GNGT1: variants seen among roughly 807,000 people sequenced by gnomAD.
The protein encoded by GNGT1 is G protein subunit gamma transducin 1.
In GNGT1, 4 loss-of-function variants were observed where a neutral mutation model predicts 7.4. The ratio of observed to expected loss-of-function variants is 0.54; its 90% CI spans 0.27 to 1.24. The LOEUF (loss-of-function observed/expected upper bound fraction) is 1.24. GNGT1 is among the 50% of genes most tolerant of loss of function. The pLI is 0.12. For missense variants in GNGT1, 95 were observed against 82.4 expected, an observed-to-expected ratio of 1.15 and a Z score of -0.59; for synonymous variants, 37 against 30.2, an observed-to-expected ratio of 1.23 and a Z score of -0.74.
intron 2 of GNGT1, 127 bp from the exon 3 acceptor site, chr7:93,910,663 G>T: frequency 1.8e-6 from 1 of 559,312 alleles, no homozygotes; most frequent in Non-Finnish European, 3.1e-6. Flanking sequence ...AATATGCATT[G>T]GTGTAAAGTA....
intron 2 of GNGT1, among the ~76,000 whole-genome samples, chr7:93,907,845 C>A (rs901243610): frequency 6.6e-6 from 1 of 152,098 alleles, no homozygotes; most frequent in Non-Finnish European, 1.5e-5. Flanking sequence ...GTTGCCCTTT[C>A]CATACAGGCA....
intron 2 of GNGT1, among the ~76,000 whole-genome samples, chr7:93,908,926 G>A (rs1365584331): frequency 3.3e-5 from 5 of 152,180 alleles, no homozygotes; most frequent in African/African-American, 9.6e-5. Flanking sequence ...TCAAAATAGC[G>A]ATAGTAATAG....
At chr7:93,906,865 A>G in intron 2 of GNGT1, 23 bp downstream of exon 2, 2 of 1,403,524 alleles carry the variant, frequency 1.4e-6, no homozygotes, top group Non-Finnish European at 2.0e-6. Context: ...TTTCTTTAGT[A>G]TTTTATTTTA....
Position 93,910,880 on chromosome 7 carries a change from C to G in GNGT1, c.187C>G (p.Pro63Ala). The G allele has an allele frequency of 1.2e-6, 2 of 1,608,350 alleles. No individual in the cohort carries two copies. Among genetic ancestry groups the G allele is most frequent in the Non-Finnish European group, 1.7e-6 (2 of 1,176,356 alleles). The part of the protein sequence containing the change: ...LVKGIPEDKN[P>A]FKELKGGCVI... ...AAAGGGCATCCCAGAGGACAAAAAT[C>G]CCTTCAAGGAGCTCAAAGGAGGCTG... The change falls in exon 3 of 3, where the codon CCC (proline) becomes GCC (alanine). Residue 63 changes from proline (P) to alanine (A), a missense_variant. Physicochemically the swap from Pro to Ala is conservative, Grantham distance 27 (BLOSUM62 -1). Coordinates refer to ENST00000248572, the MANE Select transcript of GNGT1 (RefSeq NM_021955.5).
chr7:93,909,083 A>G (rs1794420265), intron 2 of GNGT1, among the ~76,000 whole-genome samples: 1 of 152,186 alleles, frequency 6.6e-6, no homozygotes, highest in Non-Finnish European at 1.5e-5. Flanking sequence ...AGACTGATTC[A>G]TATTATTGTG....
chr7:93,908,769 G>A (rs1794415615), intron 2 of GNGT1, among the ~76,000 whole-genome samples: 2 of 151,874 alleles, frequency 1.3e-5, no homozygotes, highest in Admixed American at 6.6e-5. Flanking sequence ...CTCAGTATGG[G>A]TAAGTGGTTA....
chr7:93,911,167 A>G lies in GNGT1; in HGVS notation c.*249A>G. Reference sequence around the variant, plus strand: ...TGCTTAAAGTTCTTTAAAAAGAACTATGTTTTATAAATGATTCTATATTAT... The same window carrying G: ...TGCTTAAAGTTCTTTAAAAAGAACTGTGTTTTATAAATGATTCTATATTAT... On this transcript the variant is annotated 3_prime_UTR_variant, in exon 3 of 3. Transcript: ENST00000248572. The G allele has an allele frequency of 4.9e-6, 1 of 206,042 alleles. No individual in the cohort carries two copies. 12.8% of individuals were successfully genotyped at this position (206,042 alleles called of 1,614,324 possible). A position where few individuals can be genotyped will look rare whatever the true frequency, so the allele number is the denominator to read the frequency against.
chr7:93,906,705 A>AT, intron 1 of GNGT1, 31 bp from the exon 2 acceptor site: 1 of 1,119,998 alleles, frequency 8.9e-7, no homozygotes, highest in Non-Finnish European at 1.3e-6. Context: ...CCAGCAATTC[A>AT]TGCATAGCTG....
At chr7:93,907,253 T>A (rs1020070257) in intron 2 of GNGT1, among the ~76,000 whole-genome samples, 11 of 152,118 alleles carry the variant, frequency 7.2e-5, no homozygotes, top group Admixed American at 2.6e-4. Context: ...ATATTTTAGA[T>A]AAGCAATAAA....
At chr7:93,907,470 A>G (rs779039542) in intron 2 of GNGT1, among the ~76,000 whole-genome samples, 2 of 152,198 alleles carry the variant, frequency 1.3e-5, no homozygotes. Flanking sequence ...AGATGAGTTC[A>G]AACATAAGAA....
intron 2 of GNGT1, among the ~76,000 whole-genome samples, chr7:93,909,192 C>T (rs552389878): frequency 4.9e-4 from 74 of 152,190 alleles, no homozygotes; most frequent in African/African-American, 1.7e-3. Flanking sequence ...TAAAGACAAC[C>T]TTTGTAGTAA....
chr7:93,909,347 T>C, intron 2 of GNGT1: 1 of 512,474 alleles, frequency 2.0e-6, no homozygotes, highest in Admixed American at 3.1e-5. Context: ...ACTAAATAGC[T>C]AGTAAATGAG....
At chr7:93,909,436 A>G (rs1225920356) in intron 2 of GNGT1, 2 of 700,486 alleles carry the variant, frequency 2.9e-6, no homozygotes, top group Non-Finnish European at 5.2e-6. Context: ...CTATACACAT[A>G]TATAATTTTA....
chr7:93,909,677 G>A, intron 2 of GNGT1: 1 of 500,302 alleles, frequency 2.0e-6, no homozygotes, highest in Middle Eastern at 2.8e-4. Flanking sequence ...GAATCTGCAA[G>A]TATCATCCTT....
intron 2 of GNGT1, among the ~76,000 whole-genome samples, chr7:93,908,141 A>G (rs1169985953): frequency 1.3e-5 from 2 of 152,156 alleles, no homozygotes; most frequent in African/African-American, 4.8e-5. Flanking sequence ...ATCATCATTA[A>G]TCAGGCTTTG....
chr7:93,906,650 T>G lies in GNGT1; in HGVS notation c.-12+6T>G. ...AACAAAGAACAGTTTACTTTGTAAG[T>G]TAAGAGCTGAGGGAATTGTTGGCTA... is the stretch of plus-strand genomic sequence containing the variant. On this transcript the variant is annotated splice_donor_region_variant and intron_variant, in intron 1 of 2. Coordinates refer to ENST00000248572, the MANE Select transcript of GNGT1 (RefSeq NM_021955.5). 1.4e-6 allele frequency: 1 copy of G among 734,410 alleles called. No individual in the cohort carries two copies. The allele number at this position is 734,410 out of a possible 1,614,324, so 45.5% of individuals were successfully genotyped here.
Position 93,906,568 on chromosome 7 carries a change from G to T in GNGT1, c.-88G>T, listed in dbSNP as rs947186509. On this transcript the variant is annotated 5_prime_UTR_variant, in exon 1 of 3. Coordinates refer to ENST00000248572, the MANE Select transcript of GNGT1 (RefSeq NM_021955.5). ...ATCCCAAGGCTAGTGTGCATTGCTA[G>T]AATTGTTAAGAGAGAGAGCTCATAT... 15 of 565,984 alleles carry T rather than the reference G, an allele frequency of 2.7e-5. No individual in the cohort carries two copies. Among genetic ancestry groups the T allele is most frequent in the Non-Finnish European group, 4.6e-5 (15 of 322,724 alleles). The allele number at this position is 565,984 out of a possible 1,614,324, so 35.1% of individuals were successfully genotyped here.
intron 2 of GNGT1, among the ~76,000 whole-genome samples, chr7:93,907,680 T>TA (rs905739941): frequency 2.6e-5 from 4 of 152,192 alleles, no homozygotes; most frequent in Non-Finnish European, 4.4e-5. Flanking sequence ...CCACAAGTGG[T>TA]AACAGCAATC....
chr7:93,907,294 T>C (rs1562784508), intron 2 of GNGT1, among the ~76,000 whole-genome samples: 1 of 152,158 alleles, frequency 6.6e-6, no homozygotes, highest in Non-Finnish European at 1.5e-5. Context: ...ATATAGGCAT[T>C]TTGTTTTTAC....
Sources: gnomAD v4.1 joint callset for allele counts (sites outside exome capture counted in the v4.1 genomes callset) on GRCh38, gnomAD v4.1.1 for gene constraint, MANE v1.5 for transcripts, NCBI Gene and HGNC (gene_info 2026-07-23, HGNC 2026-07-21) for gene names.